STAG2: variants seen among roughly 807,000 people sequenced by gnomAD.
The protein encoded by STAG2 is cohesin subunit SA-2.
Under a neutral mutation model 108.1 loss-of-function variants are expected in STAG2, and 14 were observed. The ratio of observed to expected loss-of-function variants is 0.13; its 90% confidence interval spans 0.09 to 0.20. The LOEUF is 0.20. Ranked by LOEUF, STAG2 falls within the 10% of genes least tolerant of loss-of-function variation. STAG2 has a pLI of 1.00. For synonymous variants in STAG2, 307 were observed against 302.7 expected, an observed-to-expected ratio of 1.01 and a Z score of -0.15; for missense variants, 440 against 940.9, an observed-to-expected ratio of 0.47 and a Z score of 6.96.
chrX:123,972,818 A>C (rs2147555011), intron 1 of STAG2, among the ~76,000 whole-genome samples: 1 of 93,622 alleles, frequency 1.1e-5, no homozygotes, highest in African/African-American at 3.9e-5. Context: ...CAGGAGTTCA[A>C]GACCAGTCTG....
At chrX:124,074,949 G>T (rs2058762503) in intron 25 of STAG2, among the ~76,000 whole-genome samples, 1 of 112,130 alleles carries the variant, frequency 8.9e-6, no homozygotes, top group Admixed American at 9.4e-5. Context: ...GTTACTTTAT[G>T]TATTCAGTGT....
rs779339037 is a variant in STAG2, at chrX:124,030,820, T to C, written c.124-141T>C. The C allele has an allele frequency of 1.9e-4, 110 of 592,699 alleles. 1 individual carries two copies. Among genetic ancestry groups the C allele is most frequent in the Non-Finnish European group, 2.5e-4 (101 of 402,382 alleles). 48.8% of individuals were successfully genotyped at this position (592,699 alleles called of 1,213,427 possible). ...CACCACAAAGAGGCTGTCACAGTTA[T>C]ATCATTTTGTTATAAGTGGATGGAA... is the stretch of plus-strand genomic sequence containing the variant. On this transcript the variant is annotated intron_variant, in intron 4 of 34. Coordinates refer to ENST00000371145, the MANE Select transcript of STAG2 (RefSeq NM_001042750.2).
At chrX:124,017,550 G>A (rs1430602377) in intron 1 of STAG2, among the ~76,000 whole-genome samples, 1 of 111,295 alleles carries the variant, frequency 9.0e-6, no homozygotes, top group East Asian at 2.8e-4. Flanking sequence ...ATTTTGGGGG[G>A]AAAAAAATTA....
chrX:124,045,253 G>A lies in STAG2; in HGVS notation c.552G>A (p.Arg184=), dbSNP rs775852559. 2.5e-6 allele frequency: 3 copies of A among 1,208,836 alleles called. No individual in the cohort carries two copies. The highest frequency in any genetic ancestry group is 4.4e-5 in the Admixed American group (2 of 45,932). Residue 184 remains arginine (R), a synonymous_variant, in exon 8 of 35, where the codon CGG becomes CGA. Transcript: ENST00000371145. ...SFCEFIGVLV[R]QCQYSIIYDE... is the part of the protein sequence containing the mutation. ...GTGAATTCATTGGCGTGTTAGTACG[G>A]CAATGTCAATATAGTATCATATATG... is the stretch of plus-strand genomic sequence containing the variant.
At chrX:124,097,377 T>C (rs2059410971) in intron 34 of STAG2, among the ~76,000 whole-genome samples, 1 of 110,669 alleles carries the variant, frequency 9.0e-6, no homozygotes, top group Non-Finnish European at 1.9e-5. Flanking sequence ...GTTTATGGTT[T>C]TCTTGATAAT....
Position 124,097,902 on chromosome X carries a change from C to A in STAG2, c.3783+2453C>A, listed in dbSNP as rs745316840. ...ACACCAACAAAAGTAATTAAGAAATCGAAATGGTTAACTGTGATCAAAATT... is the reference window on the plus strand; with the variant it reads ...ACACCAACAAAAGTAATTAAGAAATAGAAATGGTTAACTGTGATCAAAATT... On this transcript the variant is annotated intron_variant, in intron 34 of 34. Transcript: ENST00000371145. 8.2e-5 allele frequency among the ~76,000 whole-genome samples: 9 copies of A among 110,254 alleles called. 1 individual carries two copies. In the South Asian group the frequency reaches 1.5e-3, roughly 19 times the overall value.
chrX:124,053,641 G>A (rs940184276), intron 13 of STAG2, among the ~76,000 whole-genome samples: 1 of 111,361 alleles, frequency 9.0e-6, no homozygotes, highest in South Asian at 3.7e-4. Flanking sequence ...AGACAAAAAA[G>A]ATCAATGAAG....
intron 7 of STAG2, 138 bp downstream of exon 7, chrX:124,042,783 A>G: frequency 2.2e-6 from 1 of 458,344 alleles, no homozygotes; most frequent in South Asian, 3.7e-5. Flanking sequence ...AGGCCGAGGC[A>G]GGCGGATCAC....
chrX:123,986,221 A>T (rs985403080), intron 1 of STAG2, among the ~76,000 whole-genome samples: 2 of 107,694 alleles, frequency 1.9e-5, no homozygotes, highest in Non-Finnish European at 3.8e-5. Context: ...ATATATGGGA[A>T]ATATTTATTT....
intron 25 of STAG2, among the ~76,000 whole-genome samples, chrX:124,075,403 A>G (rs1031015441): frequency 1.8e-5 from 2 of 110,929 alleles, no homozygotes; most frequent in African/African-American, 6.6e-5. Context: ...CCTCCCAACT[A>G]GGTGGGAGTA....
chrX:124,012,862 A>G (rs1271063549), intron 1 of STAG2, among the ~76,000 whole-genome samples: 1 of 111,935 alleles, frequency 8.9e-6, no homozygotes, highest in African/African-American at 3.2e-5. Flanking sequence ...ATTAATAAAA[A>G]TTCAGTAATT....
At chrX:124,084,106 C>A (rs1190800085) in intron 29 of STAG2, among the ~76,000 whole-genome samples, 1 of 112,046 alleles carries the variant, frequency 8.9e-6, no homozygotes, top group African/African-American at 3.2e-5. Flanking sequence ...TCTCAAAAAT[C>A]TTCTACCTTT....
At chrX:124,061,094 C>G (rs1467137497) in intron 15 of STAG2, 130 bp from the exon 16 acceptor site, 1 of 408,761 alleles carries the variant, frequency 2.4e-6, no homozygotes, top group East Asian at 4.0e-5. Context: ...TCTGTCCTTT[C>G]ATCTATTTGA....
intron 29 of STAG2, among the ~76,000 whole-genome samples, chrX:124,085,448 G>A (rs898661332): frequency 1.8e-5 from 2 of 111,203 alleles, no homozygotes; most frequent in Non-Finnish European, 1.9e-5. Context: ...CACACTTGGA[G>A]GAGTACTGTA....
intron 3 of STAG2, among the ~76,000 whole-genome samples, chrX:124,023,491 G>A (rs1035184338): frequency 9.0e-6 from 1 of 111,548 alleles, no homozygotes; most frequent in Non-Finnish European, 1.9e-5. Context: ...TGGAGTTTAT[G>A]AATCTTCTGG....
intron 4 of STAG2, among the ~76,000 whole-genome samples, chrX:124,029,091 A>G (rs1351751891): frequency 1.1e-4 from 12 of 104,891 alleles, no homozygotes; most frequent in Non-Finnish European, 2.1e-4. Flanking sequence ...GTCTTGGCTC[A>G]CTGCAAGCTC....
intron 1 of STAG2, among the ~76,000 whole-genome samples, chrX:123,970,525 C>G (rs1461016792): frequency 9.0e-6 from 1 of 111,686 alleles, no homozygotes; most frequent in East Asian, 2.8e-4. Context: ...CTGTCACTTT[C>G]CTGTTAGTAA....
intron 3 of STAG2, among the ~76,000 whole-genome samples, chrX:124,024,490 G>A (rs2057031310): frequency 9.1e-6 from 1 of 110,350 alleles, no homozygotes; most frequent in Admixed American, 9.7e-5. Context: ...TTCAGTTTTT[G>A]GTGCATTAAC....
chrX:124,031,350 T>C (rs1449776709), intron 5 of STAG2, among the ~76,000 whole-genome samples: 2 of 109,238 alleles, frequency 1.8e-5, no homozygotes, highest in African/African-American at 3.3e-5. Context: ...TTTTTTCTTA[T>C]TTATTTTATT....
Sources: allele counts gnomAD v4.1 joint callset (sites outside exome capture counted in the v4.1 genomes callset), GRCh38; gene constraint gnomAD v4.1.1; transcripts MANE v1.5; gene names NCBI Gene and HGNC (gene_info 2026-07-23, HGNC 2026-07-21).